Variants in ZNG1B observed in about 807,000 individuals in gnomAD.
ZNG1B encodes Zn regulated GTPase metalloprotein activator 1B.
the ZNG1B span, chr2:113,455,534 A>G: frequency 5.7e-6 from 7 of 1,238,792 alleles, no homozygotes; most frequent in Non-Finnish European, 7.4e-6. Flanking sequence ...ATACAGTAAA[A>G]TGATGTTTCT....
the ZNG1B span, among the ~76,000 whole-genome samples, chr2:113,490,412 C>CACAG: frequency 0.28 from 41,763 of 151,452 alleles, 6,333 homozygotes; most frequent in East Asian, 0.52. Flanking sequence ...TCGGAAAGAG[C>CACAG]ACAATCTACG....
chr2:113,484,895 A>C, the ZNG1B span, among the ~76,000 whole-genome samples: 1 of 151,858 alleles, frequency 6.6e-6, no homozygotes, highest in Non-Finnish European at 1.5e-5. Context: ...GCTGGTCTCA[A>C]ACTCCTGACT....
the ZNG1B span, among the ~76,000 whole-genome samples, chr2:113,453,400 G>A: frequency 6.6e-6 from 1 of 151,678 alleles, no homozygotes; most frequent in South Asian, 2.1e-4. Context: ...CTACAGGCGT[G>A]CACCATCGTA....
the ZNG1B span, chr2:113,462,436 A>G: frequency 3.8e-6 from 6 of 1,598,954 alleles, no homozygotes; most frequent in African/African-American, 8.0e-5. Flanking sequence ...TGCCATTCTC[A>G]TTAATAAAAC....
the ZNG1B span, chr2:113,456,940 A>G: frequency 4.5e-6 from 2 of 439,836 alleles, no homozygotes; most frequent in South Asian, 3.2e-5. Context: ...TCACAAGTAA[A>G]GCTGAGAAAT....
chr2:113,452,329 G>A, the ZNG1B span, among the ~76,000 whole-genome samples: 2 of 152,064 alleles, frequency 1.3e-5, no homozygotes, highest in Non-Finnish European at 2.9e-5. Flanking sequence ...GGCAGAGTAG[G>A]TGGACAGCTT....
chr2:113,461,369 C>G, the ZNG1B span, among the ~76,000 whole-genome samples: 2 of 151,880 alleles, frequency 1.3e-5, no homozygotes, highest in African/African-American at 4.8e-5. Flanking sequence ...GGCATGAATC[C>G]ACTGTGCCTG....
At chr2:113,440,337 G>A in the ZNG1B span, among the ~76,000 whole-genome samples, 6 of 151,400 alleles carry the variant, frequency 4.0e-5, no homozygotes, top group Admixed American at 1.3e-4. Context: ...AAAAGCCCTA[G>A]TAAATCTTCT....
the ZNG1B span, among the ~76,000 whole-genome samples, chr2:113,483,796 T>C: frequency 2.0e-5 from 3 of 152,190 alleles, no homozygotes. Context: ...AATGGCATAA[T>C]GAGCCTGTAT....
chr2:113,450,784 A>G, the ZNG1B span, among the ~76,000 whole-genome samples: 2 of 147,562 alleles, frequency 1.4e-5, no homozygotes, highest in African/African-American at 5.1e-5. Flanking sequence ...GCTGATGGGA[A>G]ATATTTTTAA....
At chr2:113,462,458 C>T in the ZNG1B span, 3 of 1,598,954 alleles carry the variant, frequency 1.9e-6, no homozygotes, top group South Asian at 2.2e-5. Context: ...GACTTGGTTC[C>T]AGAAGAAGAT....
At chr2:113,438,275 C>G in the ZNG1B span, among the ~76,000 whole-genome samples, 2 of 152,158 alleles carry the variant, frequency 1.3e-5, no homozygotes, top group Non-Finnish European at 1.5e-5. Context: ...AAGGCTTTGA[C>G]GCTAAGACAC....
the ZNG1B span, chr2:113,470,916 G>T: frequency 1.2e-5 from 9 of 768,316 alleles, no homozygotes; most frequent in South Asian, 1.4e-4. Flanking sequence ...TACACCATTT[G>T]CCCACTTCTA....
the ZNG1B span, chr2:113,441,215 C>A: frequency 0.013 from 16,933 of 1,348,974 alleles, 158 homozygotes; most frequent in Non-Finnish European, 0.013. Context: ...TAATCTTATC[C>A]TCTAGGATAT....
At chr2:113,479,597 T>G in the ZNG1B span, among the ~76,000 whole-genome samples, 4 of 152,182 alleles carry the variant, frequency 2.6e-5, no homozygotes. Context: ...TTTCTCTCGA[T>G]GATCCTTTTC....
the ZNG1B span, chr2:113,453,187 T>G: frequency 1.3e-6 from 2 of 1,592,762 alleles, no homozygotes; most frequent in Non-Finnish European, 1.7e-6. Flanking sequence ...GGGAGTGATA[T>G]TTACCTTGAT....
chr2:113,463,855 G>A, the ZNG1B span, among the ~76,000 whole-genome samples: 1 of 151,394 alleles, frequency 6.6e-6, no homozygotes, highest in Non-Finnish European at 1.5e-5. Context: ...TCAAGGTATA[G>A]TAAAAAAGGG....
At chr2:113,455,822 G>T in the ZNG1B span, among the ~76,000 whole-genome samples, 1 of 125,524 alleles carries the variant, frequency 8.0e-6, no homozygotes, top group Non-Finnish European at 1.7e-5. Context: ...CCAGGTTCAA[G>T]CGATTCCCTT....
chr2:113,453,297 G>T, the ZNG1B span: 1 of 1,548,042 alleles, frequency 6.5e-7, no homozygotes, highest in Non-Finnish European at 8.7e-7. Context: ...AGACTGGAGT[G>T]CATGGAGTGC....
Sources: allele counts gnomAD v4.1 joint callset (sites outside exome capture counted in the v4.1 genomes callset), GRCh38; gene constraint gnomAD v4.1.1; transcripts MANE v1.5; gene names NCBI Gene and HGNC (gene_info 2026-07-23, HGNC 2026-07-21).